Variants in KCNQ5 observed in about 807,000 individuals in gnomAD.
The protein encoded by KCNQ5 is potassium voltage-gated channel subfamily Q member 5, also known as potassium voltage-gated channel subfamily KQT member 5.
In KCNQ5, 30 loss-of-function variants were observed where a neutral mutation model predicts 98.2. That is an observed-to-expected ratio of 0.31 (90% CI 0.23 to 0.41). KCNQ5 has a LOEUF of 0.41. Among genes scored for constraint, KCNQ5 ranks in the 10% least tolerant of loss-of-function variants. The pLI is 1.00. For synonymous variants in KCNQ5, 458 were observed against 449.4 expected, an observed-to-expected ratio of 1.02 and a Z score of -0.24; for missense variants, 835 against 1,182.5, an observed-to-expected ratio of 0.71 and a Z score of 4.31.
At chr6:72,744,734 C>T (rs1186061471) in intron 1 of KCNQ5, among the ~76,000 whole-genome samples, 2 of 151,836 alleles carry the variant, frequency 1.3e-5, no homozygotes, top group East Asian at 1.9e-4. Context: ...TCACTTGAAC[C>T]CGGGAGGCAG....
chr6:72,724,401 A>G (rs759068745), intron 1 of KCNQ5, among the ~76,000 whole-genome samples: 3 of 152,198 alleles, frequency 2.0e-5, no homozygotes, highest in Non-Finnish European at 2.9e-5. Flanking sequence ...ACGTAATTTT[A>G]TAAATAACTT....
At chr6:72,808,921 G>T (rs1308727230) in intron 1 of KCNQ5, among the ~76,000 whole-genome samples, 2 of 151,652 alleles carry the variant, frequency 1.3e-5, no homozygotes, top group Admixed American at 1.3e-4. Flanking sequence ...AAATCATGCT[G>T]CTATAAAGAC....
intron 2 of KCNQ5, among the ~76,000 whole-genome samples, chr6:73,035,985 TTGTGTGTGTGTGTGTGTGTGTG>T (rs70994155): frequency 8.6e-4 from 121 of 140,536 alleles, no homozygotes; most frequent in African/African-American, 3.2e-3. Context: ...TTGAATACAT[TTGTGTGTGTGTGTGTGTGTGTG>T]TGTGTGTGTG....
intron 1 of KCNQ5, among the ~76,000 whole-genome samples, chr6:72,742,926 C>T (rs1771203867): frequency 6.6e-6 from 1 of 152,164 alleles, no homozygotes; most frequent in African/African-American, 2.4e-5. Context: ...GTTCCTTATA[C>T]TGTAACTAAA....
Position 73,039,002 on chromosome 6 carries a change from A to G in KCNQ5, c.490-2934A>G, listed in dbSNP as rs78576960. Among the ~76,000 whole-genome samples the G allele has an allele frequency of 9.1e-3, 1,382 of 152,252 alleles. 6 individuals are homozygous for G. Among genetic ancestry groups the G allele is most frequent in the Middle Eastern group, 0.027 (8 of 294 alleles). ...TTTCTGTTTGGGGAGATTTTAAACT[A>G]TGAGTTCAATTGCTTTAGCGGTTAT... On this transcript the variant is annotated intron_variant, in intron 2 of 13. Transcript: ENST00000370398.
intron 1 of KCNQ5, among the ~76,000 whole-genome samples, chr6:72,809,094 G>C (rs1343989336): frequency 1.3e-5 from 2 of 151,654 alleles, no homozygotes; most frequent in Admixed American, 6.6e-5. Context: ...CCTTTGTAGG[G>C]ACATGGATGA....
intron 1 of KCNQ5, chr6:72,630,561 T>C (rs2098920251): frequency 6.6e-6 from 1 of 152,200 alleles, no homozygotes; most frequent in Admixed American, 6.5e-5. Context: ...CAGATTTAGA[T>C]TTAATGATCA....
chr6:73,178,998 C>G (rs1283152790), intron 11 of KCNQ5, among the ~76,000 whole-genome samples: 1 of 152,114 alleles, frequency 6.6e-6, no homozygotes. Flanking sequence ...TGAGGGCTGC[C>G]TCAGGGGAAA....
chr6:72,898,854 T>A (rs373260194), intron 1 of KCNQ5, among the ~76,000 whole-genome samples: 3 of 152,186 alleles, frequency 2.0e-5, no homozygotes, highest in African/African-American at 7.2e-5. Context: ...TTGATTTTTT[T>A]AAATAATCAC....
intron 2 of KCNQ5, among the ~76,000 whole-genome samples, chr6:73,016,113 T>A (rs79857934): frequency 0.029 from 4,375 of 152,084 alleles, 209 homozygotes; most frequent in African/African-American, 0.097. Flanking sequence ...ATATATTAGA[T>A]ATTACAAATA....
At chr6:72,835,528 CTA>C (rs1446778047) in intron 1 of KCNQ5, among the ~76,000 whole-genome samples, 2 of 152,094 alleles carry the variant, frequency 1.3e-5, no homozygotes, top group African/African-American at 2.4e-5. Flanking sequence ...ATTTCACTCA[CTA>C]TTTTTATCAT....
intron 1 of KCNQ5, among the ~76,000 whole-genome samples, chr6:72,780,504 T>C (rs1773406764): frequency 6.6e-6 from 1 of 152,198 alleles, no homozygotes; most frequent in African/African-American, 2.4e-5. Flanking sequence ...TGAGTTTATA[T>C]TCACCAGGTG....
At chr6:73,047,182 G>T (rs1481208592) in intron 3 of KCNQ5, among the ~76,000 whole-genome samples, 1 of 152,132 alleles carries the variant, frequency 6.6e-6, no homozygotes, top group African/African-American at 2.4e-5. Context: ...AGAAGAACAT[G>T]ATACTATTAT....
At chr6:72,736,311 T>C (rs1770829683) in intron 1 of KCNQ5, among the ~76,000 whole-genome samples, 1 of 152,008 alleles carries the variant, frequency 6.6e-6, no homozygotes, top group East Asian at 1.9e-4. Flanking sequence ...GGCAGCAATC[T>C]CAATGTCCGA....
chr6:72,877,078 G>A (rs1168054670), intron 1 of KCNQ5, among the ~76,000 whole-genome samples: 1 of 151,698 alleles, frequency 6.6e-6, no homozygotes, highest in Non-Finnish European at 1.5e-5. Flanking sequence ...TTAATTTCTG[G>A]GATACATGTA....
At position 73,135,136 on chromosome 6, in the gene KCNQ5, A is replaced by G. The variant is rs570621498; in HGVS notation, c.1468+1495A>G. The G allele has an allele frequency of 1.4e-3, 214 of 152,304 alleles. 2 individuals carry two copies. Among genetic ancestry groups the G allele is most frequent in the African/African-American group, 5.0e-3 (209 of 41,556 alleles). The allele number at this position is 152,304 out of a possible 1,614,324, so 9.4% of individuals were successfully genotyped here. A position where few individuals can be genotyped will look rare whatever the true frequency, so the allele number is the denominator to read the frequency against. On this transcript the variant is annotated intron_variant, in intron 10 of 13. Transcript: ENST00000370398. ...AGGATATAATAGATACAATGAAACA[A>G]TGTCAGGCATTAGAAATGATGCTCT...
chr6:73,070,699 G>A (rs1447570490), intron 3 of KCNQ5, among the ~76,000 whole-genome samples: 2 of 152,176 alleles, frequency 1.3e-5, no homozygotes, highest in Non-Finnish European at 2.9e-5. Flanking sequence ...TAAGCCATAT[G>A]TGCTTGCCCT....
intron 10 of KCNQ5, among the ~76,000 whole-genome samples, chr6:73,139,958 C>G (rs1776637317): frequency 6.6e-6 from 1 of 150,578 alleles, no homozygotes; most frequent in African/African-American, 2.5e-5. Flanking sequence ...GGTGCCAGAA[C>G]CCTCAAGTCT....
At chr6:72,875,094 G>A (rs1229930972) in intron 1 of KCNQ5, among the ~76,000 whole-genome samples, 2 of 152,046 alleles carry the variant, frequency 1.3e-5, no homozygotes, top group African/African-American at 2.4e-5. Flanking sequence ...CAGCCTGAAG[G>A]CATTTAAAAC....
Sources: gnomAD v4.1 joint callset for allele counts (sites outside exome capture counted in the v4.1 genomes callset) on GRCh38, gnomAD v4.1.1 for gene constraint, MANE v1.5 for transcripts, NCBI Gene and HGNC (gene_info 2026-07-23, HGNC 2026-07-21) for gene names.